Variants in DENND2A observed in about 807,000 individuals in gnomAD.
The protein encoded by DENND2A is DENN domain containing 2A, also known as DENN domain-containing protein 2A.
In DENND2A, 53 loss-of-function variants were observed where a neutral mutation model predicts 105.3. The ratio of observed to expected loss-of-function variants is 0.50; its 90% CI spans 0.40 to 0.63. The LOEUF is 0.63. Ranked by LOEUF, DENND2A falls within the 30% of genes least tolerant of loss-of-function variation. The pLI is 0.00. For synonymous variants in DENND2A, 522 were observed against 508.4 expected, an observed-to-expected ratio of 1.03 and a Z score of -0.36; for missense variants, 1,138 against 1,279.6, an observed-to-expected ratio of 0.89 and a Z score of 1.69.
At chr7:140,562,331 G>A (rs1052948896) in intron 9 of DENND2A, among the ~76,000 whole-genome samples, 3 of 152,078 alleles carry the variant, frequency 2.0e-5, no homozygotes, top group African/African-American at 7.2e-5. Flanking sequence ...AGTATCCAAA[G>A]GCACAGAGCA....
At chr7:140,581,649 C>G (rs1798546120) in intron 5 of DENND2A, among the ~76,000 whole-genome samples, 1 of 152,200 alleles carries the variant, frequency 6.6e-6, no homozygotes, top group Non-Finnish European at 1.5e-5. Context: ...ACAGGGCACA[C>G]AGCAGACACC....
intron 9 of DENND2A, among the ~76,000 whole-genome samples, chr7:140,561,038 A>G (rs986805154): frequency 1.3e-5 from 2 of 151,878 alleles, no homozygotes; most frequent in Non-Finnish European, 2.9e-5. Flanking sequence ...TTTTCTTTCT[A>G]TGTATAAATA....
At chr7:140,555,592 T>C in intron 12 of DENND2A, 44 bp downstream of exon 12, 1 of 1,588,116 alleles carries the variant, frequency 6.3e-7, no homozygotes, top group Non-Finnish European at 8.6e-7. Context: ...TCTAGAGCCC[T>C]CCCGTTCCTT....
intron 3 of DENND2A, among the ~76,000 whole-genome samples, chr7:140,596,725 A>C (rs1185606421): frequency 1.3e-5 from 2 of 152,252 alleles, no homozygotes; most frequent in Non-Finnish European, 2.9e-5. Context: ...TTTCATAAAG[A>C]TCTACAAGCT....
At chr7:140,529,225 G>A (rs911828929) in intron 14 of DENND2A, among the ~76,000 whole-genome samples, 3 of 152,174 alleles carry the variant, frequency 2.0e-5, no homozygotes, top group East Asian at 1.9e-4. Flanking sequence ...TTGGGAGGCC[G>A]AGGTGAGTGG....
At chr7:140,573,094 G>T (rs115174616) in intron 6 of DENND2A, among the ~76,000 whole-genome samples, 1,976 of 152,222 alleles carry the variant, frequency 0.013, 34 homozygotes, top group African/African-American at 0.045. Context: ...AAGCACATAG[G>T]CCCAGTCACT....
At chr7:140,543,285 ATTTTTTT>A (rs36113743) in intron 14 of DENND2A, among the ~76,000 whole-genome samples, 2 of 128,318 alleles carry the variant, frequency 1.6e-5, no homozygotes, top group South Asian at 5.1e-4. Flanking sequence ...TACCTGGCTA[ATTTTTTT>A]TTTTTTTTTT....
In DENND2A at chr7:140,587,709, G is replaced by T; in HGVS notation, c.1067C>A (p.Thr356Asn). ...ESSRVDWYAQTKLGLTRTLSE... is the reference protein window; with the variant it reads ...ESSRVDWYAQNKLGLTRTLSE... Reference sequence around the variant, plus strand: ...TAAAGTGCGTGTCAGCCCCAGCTTAGTCTGCGCGTACCAGTCCACCCTGCT... The same window carrying T: ...TAAAGTGCGTGTCAGCCCCAGCTTATTCTGCGCGTACCAGTCCACCCTGCT... The change falls in exon 4 of 20, where the codon ACT becomes AAT. Residue 356 changes from threonine to asparagine, a missense_variant. Around this residue, in one of 2 missense-constraint regions of DENND2A, gnomAD observed 511 missense variants for 499.9 expected, o/e 1.02. Transcript: ENST00000496613. 6.2e-7 allele frequency: 1 copy of T among 1,613,954 alleles called. No homozygotes were observed. Among genetic ancestry groups the T allele is most frequent in the South Asian group, 1.1e-5 (1 of 91,072 alleles).
intron 6 of DENND2A, among the ~76,000 whole-genome samples, 177 bp from the exon 7 acceptor site, chr7:140,569,915 G>T (rs1392623415): frequency 2.0e-5 from 3 of 151,460 alleles, no homozygotes; most frequent in African/African-American, 4.9e-5. Context: ...TTTTTTTGAG[G>T]CAGAGTTTCG....
chr7:140,557,492 T>A (rs1222654146), intron 11 of DENND2A, among the ~76,000 whole-genome samples: 4 of 131,944 alleles, frequency 3.0e-5, no homozygotes, highest in Non-Finnish European at 4.9e-5. Flanking sequence ...CCTGTTTTTT[T>A]AATGTTTTAT....
chr7:140,552,368 TC>T (rs1183796872), intron 12 of DENND2A, among the ~76,000 whole-genome samples: 1 of 150,882 alleles, frequency 6.6e-6, no homozygotes, highest in Non-Finnish European at 1.5e-5. Context: ...TCCCTCCCTC[TC>T]CCTCTCCTTT....
rs1585533360 is a variant in DENND2A, at chr7:140,518,479, A to G, written c.*228T>C. The stretch of plus-strand genomic sequence containing the variant: ...AAAAACCCAACCACCAAAACAACCC[A>G]TTTGCATGTCGGCGACACGCCTGGT... On this transcript the variant is annotated 3_prime_UTR_variant, in exon 20 of 20. Coordinates refer to ENST00000496613, the MANE Select transcript of DENND2A (RefSeq NM_015689.5). The G allele has an allele frequency of 6.5e-6, 3 of 459,794 alleles. No individual in the cohort carries two copies. Among genetic ancestry groups the G allele is most frequent in the South Asian group, 4.7e-5 (1 of 21,400 alleles). The allele number at this position is 459,794 out of a possible 1,614,324, so 28.5% of individuals were successfully genotyped here.
Position 140,521,964 on chromosome 7 carries a change from G to A in DENND2A, c.2802C>T (p.Arg934=). The change falls in exon 18 of 20, where the codon CGC becomes CGT. Residue 934 remains arginine, a synonymous_variant. Coordinates refer to ENST00000496613, the MANE Select transcript of DENND2A (RefSeq NM_015689.5). ...GGAGGCTCTTGGAGGAGACAGCTTTGCGGAAGGCCTCCCGCTGCAGGGTTC... is the reference window on the plus strand; with the variant it reads ...GGAGGCTCTTGGAGGAGACAGCTTTACGGAAGGCCTCCCGCTGCAGGGTTC... ...EERTLQREAF[R]KAVSSKSLRH... 6.2e-7 allele frequency: 1 copy of A among 1,614,110 alleles called. No homozygotes were observed. The highest frequency in any genetic ancestry group is 8.5e-7 in the Non-Finnish European group (1 of 1,180,042).
chr7:140,634,884 C>T (rs1388015471), intron 1 of DENND2A, among the ~76,000 whole-genome samples: 3 of 151,832 alleles, frequency 2.0e-5, no homozygotes, highest in Non-Finnish European at 4.4e-5. Context: ...ATTGCTTGAA[C>T]CCAGGAGGTG....
intron 3 of DENND2A, among the ~76,000 whole-genome samples, chr7:140,595,872 T>C (rs1354579331): frequency 1.3e-5 from 2 of 152,008 alleles, no homozygotes; most frequent in African/African-American, 2.4e-5. Context: ...ATCCTCCTCC[T>C]CCAGCTGCCA....
upstream of DENND2A, among the ~76,000 whole-genome samples, chr7:140,641,011 G>A (rs545121732): frequency 5.9e-4 from 87 of 147,328 alleles, no homozygotes; most frequent in African/African-American, 2.1e-3. Flanking sequence ...ACCCTTCCTG[G>A]GAGGACGCCC....
At chr7:140,539,679 T>G (rs563807268) in intron 14 of DENND2A, among the ~76,000 whole-genome samples, 3 of 152,188 alleles carry the variant, frequency 2.0e-5, no homozygotes, top group Non-Finnish European at 2.9e-5. Context: ...GTAGGGGGCA[T>G]GAAATGACGC....
chr7:140,623,720 G>GAAAA (rs34329204), intron 1 of DENND2A, among the ~76,000 whole-genome samples: 14 of 121,990 alleles, frequency 1.1e-4, no homozygotes, highest in Admixed American at 1.8e-4. Context: ...ACTCCGTCTA[G>GAAAA]AAAAAAAAAA....
At chr7:140,535,419 C>G (rs1439797472) in intron 14 of DENND2A, among the ~76,000 whole-genome samples, 2 of 152,118 alleles carry the variant, frequency 1.3e-5, no homozygotes, top group African/African-American at 4.8e-5. Context: ...TGAAAACGAA[C>G]ACAGGCTGGG....
Sources: allele counts gnomAD v4.1 joint callset (sites outside exome capture counted in the v4.1 genomes callset), GRCh38; gene constraint gnomAD v4.1.1; regional missense constraint gnomAD v4.1.1; transcripts MANE v1.5; gene names NCBI Gene and HGNC (gene_info 2026-07-23, HGNC 2026-07-21).